Variants in LDLRAP1 observed in about 807,000 individuals in gnomAD.
The protein encoded by LDLRAP1 is low density lipoprotein receptor adapter protein 1.
LDLRAP1 carries 30 observed loss-of-function variants against 37.8 expected under a neutral mutation model. The observed-to-expected ratio is 0.79, with a 90% CI of 0.59 to 1.08. The LOEUF is 1.08. Among genes scored for constraint, LDLRAP1 ranks in the 50% least tolerant of loss-of-function variants. The pLI is 0.00. For synonymous variants in LDLRAP1, 156 were observed against 169.8 expected, an observed-to-expected ratio of 0.92 and a Z score of 0.63; for missense variants, 375 against 401.6, an observed-to-expected ratio of 0.93 and a Z score of 0.57.
chr1:25,578,698 G>A, the LDLRAP1 span, among the ~76,000 whole-genome samples: 1 of 152,056 alleles, frequency 6.6e-6, no homozygotes, highest in Non-Finnish European at 1.5e-5. Flanking sequence ...TATATTTTTT[G>A]TAGAGATGAG....
chr1:25,575,349 G>C, the LDLRAP1 span, among the ~76,000 whole-genome samples: 1 of 151,080 alleles, frequency 6.6e-6, no homozygotes, highest in Non-Finnish European at 1.5e-5. Flanking sequence ...ACTTTGGAAG[G>C]CTGAGGCAGG....
Position 25,554,143 on chromosome 1 carries a change from T to C in LDLRAP1, c.231+79T>C. 6.4e-7 allele frequency: 1 copy of C among 1,556,500 alleles called. No homozygotes were observed. Among genetic ancestry groups the C allele is most frequent in the Non-Finnish European group, 8.8e-7 (1 of 1,140,192 alleles). The stretch of plus-strand genomic sequence containing the variant: ...TTCCCAGGGTGCCCTCGTCCCAGCT[T>C]GTTACTCCAGTTGGGTGTGTCTGAG... On this transcript the variant is annotated intron_variant, in intron 2 of 8. Coordinates refer to ENST00000374338, the MANE Select transcript of LDLRAP1 (RefSeq NM_015627.3). The surrounding 1 kb of genome is among the most constrained non-coding windows in gnomAD (Gnocchi z 5.4).
chr1:25,584,477 G>C, the LDLRAP1 span, among the ~76,000 whole-genome samples: 191 of 152,250 alleles, frequency 1.3e-3, no homozygotes, highest in African/African-American at 4.4e-3. Context: ...CAGGCCCAGG[G>C]ACAGAGCAAG....
chr1:25,577,273 T>C, the LDLRAP1 span, among the ~76,000 whole-genome samples: 1 of 151,472 alleles, frequency 6.6e-6, no homozygotes, highest in Non-Finnish European at 1.5e-5. Context: ...CCTTGCTGAG[T>C]GTGAGGAGCA....
chr1:25,563,929 A>C, intron 7 of LDLRAP1, 138 bp downstream of exon 7: 1 of 1,082,408 alleles, frequency 9.2e-7, no homozygotes. Context: ...GGTAGTGCCC[A>C]GGCGCAGGAT....
chr1:25,553,825 C>A, intron 1 of LDLRAP1, 97 bp from the exon 2 acceptor site: 1 of 1,480,578 alleles, frequency 6.8e-7, no homozygotes, highest in East Asian at 2.4e-5. Flanking sequence ...CCCCATCCCC[C>A]TTGCTGGGGT....
chr1:25,584,543 G>A, the LDLRAP1 span, among the ~76,000 whole-genome samples: 1 of 152,032 alleles, frequency 6.6e-6, no homozygotes. Flanking sequence ...CCTCTCAGCA[G>A]GGACCTTCCT....
downstream of LDLRAP1, among the ~76,000 whole-genome samples, chr1:25,573,777 G>A (rs548435583): frequency 5.4e-4 from 83 of 152,304 alleles, no homozygotes; most frequent in African/African-American, 1.9e-3. Flanking sequence ...ACAGCACCCC[G>A]GGGCTATTTC....
At chr1:25,588,146 A>G in the LDLRAP1 span, among the ~76,000 whole-genome samples, 14,776 of 151,670 alleles carry the variant, frequency 0.097, 1,660 homozygotes, top group East Asian at 0.24. Flanking sequence ...AACACTGCGG[A>G]AGGCCGCAGG....
chr1:25,585,516 A>G, the LDLRAP1 span, among the ~76,000 whole-genome samples: 13 of 152,200 alleles, frequency 8.5e-5, no homozygotes, highest in East Asian at 5.8e-4. Context: ...TAGTAGAGAC[A>G]GGGTTTCACC....
chr1:25,578,047 C>A, the LDLRAP1 span, among the ~76,000 whole-genome samples: 1 of 152,178 alleles, frequency 6.6e-6, no homozygotes, highest in South Asian at 2.1e-4. Context: ...GTGAGCCCCC[C>A]ACCTCCATTT....
At chr1:25,570,516 C>T (rs934415795), downstream of LDLRAP1, among the ~76,000 whole-genome samples, 45 of 152,228 alleles carry the variant, frequency 3.0e-4, no homozygotes, top group Admixed American at 1.8e-3. Context: ...GCCTGGTCTT[C>T]CTCCGGCCAT....
chr1:25,551,315 C>T (rs2044065826), intron 1 of LDLRAP1, among the ~76,000 whole-genome samples: 2 of 152,140 alleles, frequency 1.3e-5, no homozygotes, highest in South Asian at 4.2e-4. Flanking sequence ...AGAAGAAATG[C>T]CTCCGCCTCC....
chr1:25,585,518 G>T, the LDLRAP1 span, among the ~76,000 whole-genome samples: 1 of 152,096 alleles, frequency 6.6e-6, no homozygotes, highest in Non-Finnish European at 1.5e-5. Context: ...GTAGAGACAG[G>T]GTTTCACCGT....
At chr1:25,565,337 C>A in intron 8 of LDLRAP1, 130 bp downstream of exon 8, 1 of 992,124 alleles carries the variant, frequency 1.0e-6, no homozygotes. Context: ...GCAACAGTCC[C>A]ATCCCTCCAC....
intron 3 of LDLRAP1, among the ~76,000 whole-genome samples, chr1:25,556,170 G>T (rs2044193453): frequency 6.6e-6 from 1 of 152,126 alleles, no homozygotes; most frequent in Admixed American, 6.5e-5. Flanking sequence ...TGAGGGGTGA[G>T]TCTATGGCGC....
the LDLRAP1 span, among the ~76,000 whole-genome samples, chr1:25,587,730 A>T: frequency 4.6e-5 from 7 of 152,158 alleles, no homozygotes; most frequent in Non-Finnish European, 8.8e-5. Context: ...AGAGTTACTG[A>T]GAACTGCTAT....
chr1:25,563,662 G>A lies in LDLRAP1; in HGVS notation c.618G>A (p.Leu206=), dbSNP rs1436345244. Reference sequence around the variant, plus strand: ...ACAACCTGACCGGATCCCTCACAGTGGTCGCCACTGGGAACCTGCTGGACT... The same window carrying A: ...ACAACCTGACCGGATCCCTCACAGTAGTCGCCACTGGGAACCTGCTGGACT... ...RQDCTPSLKS[L]VATGNLLDLE... The change falls in exon 7 of 9, where the codon TTG becomes TTA. Residue 206 remains leucine (L), a splice_region_variant and synonymous_variant. Coordinates refer to ENST00000374338, the MANE Select transcript of LDLRAP1 (RefSeq NM_015627.3). 1.2e-6 allele frequency: 2 copies of A among 1,613,532 alleles called. No individual in the cohort carries two copies. The highest frequency in any genetic ancestry group is 3.3e-5 in the Admixed American group (2 of 60,024).
At chr1:25,575,513 T>C in the LDLRAP1 span, among the ~76,000 whole-genome samples, 7 of 151,612 alleles carry the variant, frequency 4.6e-5, no homozygotes, top group East Asian at 1.4e-3. Flanking sequence ...GAAGATCACT[T>C]GAGCCTGGAA....
Sources: gnomAD v4.1 joint callset for allele counts (sites outside exome capture counted in the v4.1 genomes callset) on GRCh38, gnomAD v4.1.1 for gene constraint, Gnocchi (gnomAD v3.1) non-coding constraint, MANE v1.5 for transcripts, NCBI Gene and HGNC (gene_info 2026-07-23, HGNC 2026-07-21) for gene names.